GORASP2: variants seen among roughly 807,000 people sequenced by gnomAD.
GORASP2 encodes golgi reassembly stacking protein 2.
Under a neutral mutation model 45.7 loss-of-function variants are expected in GORASP2, and 22 were observed. That is an observed-to-expected ratio of 0.48 (90% CI 0.34 to 0.69). GORASP2 has a LOEUF of 0.69. GORASP2 is among the 30% of genes least tolerant of loss of function. The probability of loss-of-function intolerance (pLI) is 0.01; values close to 1 mark genes in which losing one functional copy is unlikely to be tolerated. For synonymous variants in GORASP2, 221 were observed against 215.6 expected, an observed-to-expected ratio of 1.02 and a Z score of -0.22; for missense variants, 491 against 562.7, an observed-to-expected ratio of 0.87 and a Z score of 1.29.
chr2:170,961,606 G>A, intron 7 of GORASP2, 57 bp from the exon 8 acceptor site: 1 of 934,456 alleles, frequency 1.1e-6, no homozygotes, highest in Non-Finnish European at 1.8e-6. Context: ...AATGTGTTCT[G>A]TTCATTTCTT....
chr2:170,935,417 A>G (rs963046164), intron 1 of GORASP2, among the ~76,000 whole-genome samples: 1 of 150,832 alleles, frequency 6.6e-6, no homozygotes, highest in Non-Finnish European at 1.5e-5. Context: ...ACCACACCCA[A>G]CTAATTTTTG....
intron 9 of GORASP2, among the ~76,000 whole-genome samples, chr2:170,964,838 C>A (rs1156919191): frequency 2.6e-5 from 4 of 151,466 alleles, no homozygotes; most frequent in Non-Finnish European, 5.9e-5. Context: ...TGCTTTACAC[C>A]CTGCCTTTCC....
intron 9 of GORASP2, among the ~76,000 whole-genome samples, chr2:170,963,904 C>A (rs189296375): frequency 2.0e-5 from 3 of 152,248 alleles, no homozygotes; most frequent in Non-Finnish European, 4.4e-5. Flanking sequence ...TTTGGCCTCC[C>A]AGTGTGCTGG....
intron 1 of GORASP2, among the ~76,000 whole-genome samples, chr2:170,947,793 C>A (rs1418048953): frequency 3.9e-5 from 6 of 152,100 alleles, no homozygotes; most frequent in Admixed American, 1.3e-4. Context: ...GAAAGTGGTG[C>A]AGAAATAGAA....
At chr2:170,942,082 T>C (rs1704089115) in intron 1 of GORASP2, among the ~76,000 whole-genome samples, 1 of 152,226 alleles carries the variant, frequency 6.6e-6, no homozygotes. Flanking sequence ...TTAATTTGCA[T>C]TTCCTTGATG....
chr2:170,954,414 G>A, intron 5 of GORASP2: 1 of 472,276 alleles, frequency 2.1e-6, no homozygotes, highest in South Asian at 2.9e-5. Context: ...GATATCCACA[G>A]TGGAGGGCAG....
intron 1 of GORASP2, among the ~76,000 whole-genome samples, chr2:170,933,224 T>A (rs1393705218): frequency 6.6e-6 from 1 of 152,204 alleles, no homozygotes; most frequent in African/African-American, 2.4e-5. Context: ...CCTTATATAG[T>A]GGGTCAGATT....
At chr2:170,941,667 T>C (rs1471892137) in intron 1 of GORASP2, among the ~76,000 whole-genome samples, 1 of 152,194 alleles carries the variant, frequency 6.6e-6, no homozygotes, top group Non-Finnish European at 1.5e-5. Flanking sequence ...GGATATTGCT[T>C]GTGAGATTTA....
At chr2:170,962,994 T>C in intron 9 of GORASP2, 48 bp downstream of exon 9, 1 of 1,223,988 alleles carries the variant, frequency 8.2e-7, no homozygotes, top group South Asian at 1.2e-5. Context: ...ATAAAAGTTT[T>C]ATTCAGGAAT....
At chr2:170,938,241 A>G (rs185435350) in intron 1 of GORASP2, among the ~76,000 whole-genome samples, 1 of 152,382 alleles carries the variant, frequency 6.6e-6, no homozygotes, top group Admixed American at 6.5e-5. Context: ...TAGCATTTGC[A>G]TTATTGTGTA....
At chr2:170,929,859 G>A (rs951384522) in intron 1 of GORASP2, 7 of 448,840 alleles carry the variant, frequency 1.6e-5, no homozygotes, top group African/African-American at 2.1e-5. Flanking sequence ...GGCCTGCGGC[G>A]GCAGGTGTTA....
intron 9 of GORASP2, among the ~76,000 whole-genome samples, chr2:170,965,372 C>G (rs560359052): frequency 6.6e-6 from 1 of 152,360 alleles, no homozygotes; most frequent in Non-Finnish European, 1.5e-5. Context: ...GGGTTGCAGC[C>G]TACCTCTCCC....
intron 1 of GORASP2, chr2:170,929,664 G>GATCT: frequency 3.3e-6 from 2 of 613,620 alleles, no homozygotes; most frequent in Admixed American, 2.3e-5. Flanking sequence ...CGGCCAGGGG[G>GATCT]CGGCCCTGGG....
intron 5 of GORASP2, among the ~76,000 whole-genome samples, chr2:170,952,228 T>A (rs1016625920): frequency 6.6e-6 from 1 of 152,238 alleles, no homozygotes; most frequent in African/African-American, 2.4e-5. Context: ...GAGGAAGAGA[T>A]TCTGTGGACA....
intron 1 of GORASP2, among the ~76,000 whole-genome samples, chr2:170,932,516 A>G (rs1478833631): frequency 6.6e-6 from 1 of 152,212 alleles, no homozygotes; most frequent in African/African-American, 2.4e-5. Flanking sequence ...TTGTTTTCCC[A>G]TAACATACAT....
chr2:170,956,552 C>T lies in GORASP2; in HGVS notation c.816C>T (p.Leu272=). The part of the protein sequence containing the change: ...SSTPPAVSSV[L]STGVPTVPLL... Reference sequence around the variant, plus strand: ...CTCCACCAGCTGTCAGTAGTGTTCTCAGTACAGGTGTGCAGAAAAATATAT... The same window carrying T: ...CTCCACCAGCTGTCAGTAGTGTTCTTAGTACAGGTGTGCAGAAAAATATAT... Residue 272 remains leucine, a synonymous_variant, in exon 7 of 10, where the codon CTC becomes CTT. Coordinates refer to ENST00000234160, the MANE Select transcript of GORASP2 (RefSeq NM_015530.5). The T allele has an allele frequency of 6.2e-7, 1 of 1,609,526 alleles. No individual in the cohort carries two copies. The highest frequency in any genetic ancestry group is 8.5e-7 in the Non-Finnish European group (1 of 1,178,162).
upstream of GORASP2, chr2:170,929,197 G>T (rs926226992): frequency 1.8e-6 from 1 of 549,910 alleles, no homozygotes; most frequent in Non-Finnish European, 2.8e-6. Context: ...CAGCAGAGAC[G>T]ATCTCCCGGC....
At chr2:170,954,578 C>G (rs560260985) in intron 5 of GORASP2, 72 bp from the exon 6 acceptor site, 1 of 1,319,110 alleles carries the variant, frequency 7.6e-7, no homozygotes, top group South Asian at 1.4e-5. Flanking sequence ...TACCCGCCCC[C>G]CCCAAAAAAA....
At chr2:170,961,863 C>A in intron 8 of GORASP2, 114 bp downstream of exon 8, 1 of 729,180 alleles carries the variant, frequency 1.4e-6, no homozygotes, top group Admixed American at 1.9e-5. Context: ...GTCTTTTAAT[C>A]TCAGTTTATC....
Sources: allele counts gnomAD v4.1 joint callset (sites outside exome capture counted in the v4.1 genomes callset), GRCh38; gene constraint gnomAD v4.1.1; transcripts MANE v1.5; gene names NCBI Gene and HGNC (gene_info 2026-07-23, HGNC 2026-07-21).